The following TET3 variants were observed in gnomAD, a reference collection of about 807,000 sequenced individuals.
TET3 encodes tet methylcytosine dioxygenase 3.
Under a neutral mutation model 141.4 loss-of-function variants are expected in TET3, and 19 were observed. The observed-to-expected ratio is 0.13, with a 90% CI of 0.09 to 0.20. The LOEUF (loss-of-function observed/expected upper bound fraction) is 0.20, where lower values mean the gene tolerates loss of function less well. Ranked by LOEUF, TET3 falls within the 10% of genes least tolerant of loss-of-function variation. TET3 has a pLI of 1.00. For missense variants in TET3, 1,874 were observed against 2,356.9 expected (o/e 0.80, Z 4.24); for synonymous variants, 1,043 against 980.9 (o/e 1.06, Z -1.18).
chr2:74,046,746 C>G lies in TET3; in HGVS notation c.829C>G (p.Pro277Ala). The change falls in exon 4 of 12, where the codon CCA becomes GCA. Residue 277 changes from proline to alanine, a missense_variant. Pro to Ala is a conservative substitution (Grantham distance 27). Transcript: ENST00000409262. This position sits in a 1 kb window ranked among gnomAD's most constrained non-coding sequence, Gnocchi z 4.3. The part of the protein sequence containing the change: ...MKPPNCNCDG[P>A]ECPDYLEWLE... Reference sequence around the variant, plus strand: ...ACCACCCAACTGCAACTGCGATGGCCCAGAATGCCCTGACTACCTCGAGTG... The same window carrying G: ...ACCACCCAACTGCAACTGCGATGGCGCAGAATGCCCTGACTACCTCGAGTG... The G allele has an allele frequency of 6.2e-7, 1 of 1,613,884 alleles. No homozygotes were observed. The highest frequency in any genetic ancestry group is 8.5e-7 in the Non-Finnish European group (1 of 1,179,890).
intron 3 of TET3, among the ~76,000 whole-genome samples, chr2:74,018,194 C>T (rs6712566): frequency 0.14 from 21,836 of 152,034 alleles, 2,072 homozygotes; most frequent in Non-Finnish European, 0.22. Flanking sequence ...TTCGAACTCG[C>T]GCCCTCAAGT....
At chr2:74,071,517 C>A (rs1037133959) in intron 4 of TET3, among the ~76,000 whole-genome samples, 5 of 152,080 alleles carry the variant, frequency 3.3e-5, no homozygotes, top group African/African-American at 1.2e-4. Flanking sequence ...GTTAGTGCAG[C>A]GAATTCCTGT....
chr2:74,042,416 C>A (rs1013670607), intron 3 of TET3, among the ~76,000 whole-genome samples: 1 of 152,200 alleles, frequency 6.6e-6, no homozygotes, highest in Non-Finnish European at 1.5e-5. Context: ...AGCCACTGCT[C>A]AGTTACAGAC....
chr2:74,124,733 C>G, the TET3 span, among the ~76,000 whole-genome samples: 4 of 152,066 alleles, frequency 2.6e-5, no homozygotes, highest in South Asian at 2.1e-4. Context: ...GCAGCATGCT[C>G]GTTAAGAGTC....
At chr2:74,063,906 A>AAAT (rs1553428413) in intron 4 of TET3, among the ~76,000 whole-genome samples, 117 of 152,068 alleles carry the variant, frequency 7.7e-4, no homozygotes, top group Admixed American at 1.2e-3. Context: ...AAAAAAAAAA[A>AAAT]AAATAAGTAA....
intron 2 of TET3, among the ~76,000 whole-genome samples, chr2:73,992,231 C>T (rs1418885276): frequency 6.6e-6 from 1 of 152,012 alleles, no homozygotes; most frequent in Non-Finnish European, 1.5e-5. Context: ...AGCTACCCTA[C>T]CTGAGTCTGA....
rs913754245 is a variant in TET3, at chr2:74,107,472, TAAG to T, written c.*5299_*5301del. 1.3e-5 allele frequency: 2 copies of T among 152,236 alleles called. No individual in the cohort carries two copies. The highest frequency in any genetic ancestry group is 2.9e-5 in the Non-Finnish European group (2 of 68,042). The allele number at this position is 152,236 out of a possible 1,614,324, so 9.4% of individuals were successfully genotyped here. On this transcript the variant is annotated 3_prime_UTR_variant, in exon 12 of 12. Transcript: ENST00000409262. The stretch of plus-strand genomic sequence containing the variant: ...TCACTCTTCACACGGGGATTTAAAT[TAAG>T]AAACTAATTGGCTCATGTGAACATT...
At chr2:74,006,369 G>A (rs1685149418) in intron 3 of TET3, among the ~76,000 whole-genome samples, 1 of 152,252 alleles carries the variant, frequency 6.6e-6, no homozygotes, top group Non-Finnish European at 1.5e-5. Flanking sequence ...GAGTCCCAGA[G>A]CTCAGCTCCA....
chr2:74,062,034 G>C (rs1447802362), intron 4 of TET3, among the ~76,000 whole-genome samples: 1 of 152,202 alleles, frequency 6.6e-6, no homozygotes, highest in Non-Finnish European at 1.5e-5. Context: ...CCGGGCAGAG[G>C]CTGCAGTCTC....
the TET3 span, among the ~76,000 whole-genome samples, chr2:74,128,583 A>G: frequency 6.6e-6 from 1 of 152,194 alleles, no homozygotes; most frequent in Middle Eastern, 3.2e-3. Flanking sequence ...AGATGTGAAT[A>G]ATCAGGGAAA....
At chr2:74,007,590 A>G (rs1685211261) in intron 3 of TET3, among the ~76,000 whole-genome samples, 2 of 152,190 alleles carry the variant, frequency 1.3e-5, no homozygotes, top group Admixed American at 6.5e-5. Flanking sequence ...AGGGGGCTTC[A>G]GTGAGACCCA....
At chr2:74,132,156 T>C in the TET3 span, among the ~76,000 whole-genome samples, 5 of 152,148 alleles carry the variant, frequency 3.3e-5, no homozygotes, top group East Asian at 3.8e-4. Flanking sequence ...CCTCTTCTTT[T>C]GGTAACGCCT....
chr2:74,108,372 C>T (rs560225211), downstream of TET3, among the ~76,000 whole-genome samples: 35 of 152,180 alleles, frequency 2.3e-4, no homozygotes, highest in Non-Finnish European at 4.7e-4. Context: ...GCTGTTAAAA[C>T]GGGATCTAAA....
At chr2:74,010,328 C>G (rs564809076) in intron 3 of TET3, among the ~76,000 whole-genome samples, 1 of 152,222 alleles carries the variant, frequency 6.6e-6, no homozygotes, top group South Asian at 2.1e-4. Flanking sequence ...TGGGTCTTTG[C>G]CCGAGGTCTG....
chr2:74,133,557 TTGAC>T, the TET3 span, among the ~76,000 whole-genome samples: 4 of 152,156 alleles, frequency 2.6e-5, no homozygotes, highest in Admixed American at 6.5e-5. Flanking sequence ...GCAGGTCTGT[TTGAC>T]TGGCTGTTGG....
intron 6 of TET3, among the ~76,000 whole-genome samples, chr2:74,085,101 G>A (rs369295282): frequency 6.6e-6 from 1 of 150,688 alleles, no homozygotes; most frequent in Admixed American, 6.6e-5. Context: ...ACTAAACGGT[G>A]TACTTTGAAA....
chr2:74,104,448 A>G lies in TET3; in HGVS notation c.*2272A>G, dbSNP rs944209511. On this transcript the variant is annotated 3_prime_UTR_variant, in exon 12 of 12. Coordinates refer to ENST00000409262, the MANE Select transcript of TET3 (RefSeq NM_001287491.2). ...GGAAAAATTGGGTCCTTTAAATGCT[A>G]TTTTGCTTATCGCATCAGTACTTTT... is the stretch of plus-strand genomic sequence containing the variant. The G allele has an allele frequency of 2.0e-5, 3 of 152,168 alleles. No homozygotes were observed. Among genetic ancestry groups the G allele is most frequent in the Non-Finnish European group, 4.4e-5 (3 of 68,018 alleles). The allele number at this position is 152,168 out of a possible 1,614,324, so 9.4% of individuals were successfully genotyped here. A position where few individuals can be genotyped will look rare whatever the true frequency, so the allele number is the denominator to read the frequency against.
At chr2:74,115,691 TTAAAAA>T in the TET3 span, among the ~76,000 whole-genome samples, 5 of 152,050 alleles carry the variant, frequency 3.3e-5, no homozygotes, top group African/African-American at 9.7e-5. Flanking sequence ...CTTCTATAAA[TTAAAAA>T]TAAATAGATA....
At chr2:74,131,452 GC>G in the TET3 span, among the ~76,000 whole-genome samples, 1 of 152,272 alleles carries the variant, frequency 6.6e-6, no homozygotes, top group East Asian at 1.9e-4. Context: ...GAAACCATTG[GC>G]TCCTAACCAG....
Sources: allele counts gnomAD v4.1 joint callset (sites outside exome capture counted in the v4.1 genomes callset), GRCh38; gene constraint gnomAD v4.1.1; non-coding constraint Gnocchi (gnomAD v3.1); transcripts MANE v1.5; gene names NCBI Gene and HGNC (gene_info 2026-07-23, HGNC 2026-07-21).